The following DOK5 variants were observed in gnomAD, a reference collection of about 807,000 sequenced individuals.
DOK5 encodes docking protein 5.
In DOK5, 27 loss-of-function variants were observed where a neutral mutation model predicts 43.3. The observed-to-expected ratio is 0.62, with a 90% CI of 0.46 to 0.86. The LOEUF is 0.86. DOK5 is among the 40% of genes least tolerant of loss of function. The pLI, the probability that DOK5 is intolerant of heterozygous loss-of-function variation, is 0.00. For synonymous variants in DOK5, 146 were observed against 140.1 expected (o/e 1.04, Z -0.30); for missense variants, 373 against 392.9 (o/e 0.95, Z 0.43).
At chr20:54,565,789 G>A (rs778255394) in intron 2 of DOK5, among the ~76,000 whole-genome samples, 1 of 152,088 alleles carries the variant, frequency 6.6e-6, no homozygotes, top group South Asian at 2.1e-4. Flanking sequence ...TTGGGAGGCC[G>A]AGGCAGGCGG....
intron 2 of DOK5, among the ~76,000 whole-genome samples, chr20:54,581,421 A>G (rs1223735972): frequency 6.6e-6 from 1 of 150,448 alleles, no homozygotes; most frequent in Non-Finnish European, 1.5e-5. Flanking sequence ...GGATTTTGAT[A>G]GAGATTACAT....
chr20:54,608,735 A>G (rs917643529), intron 5 of DOK5, among the ~76,000 whole-genome samples: 1 of 148,190 alleles, frequency 6.7e-6, no homozygotes, highest in Non-Finnish European at 1.5e-5. Flanking sequence ...CAGTCGCATG[A>G]TCTCAGCTCA....
At chr20:54,520,586 C>T (rs972777588) in intron 1 of DOK5, among the ~76,000 whole-genome samples, 1 of 152,018 alleles carries the variant, frequency 6.6e-6, no homozygotes, top group African/African-American at 2.4e-5. Flanking sequence ...TAAGACCACT[C>T]TGGGCAACAC....
chr20:54,599,792 T>C (rs184068413), intron 5 of DOK5, among the ~76,000 whole-genome samples: 1 of 152,356 alleles, frequency 6.6e-6, no homozygotes, highest in Admixed American at 6.5e-5. Context: ...TAAAAAAGAA[T>C]CATTCCTTCC....
intron 2 of DOK5, among the ~76,000 whole-genome samples, chr20:54,559,294 C>T (rs189864572): frequency 3.3e-5 from 5 of 152,294 alleles, no homozygotes; most frequent in Admixed American, 6.5e-5. Flanking sequence ...AGAAGTATGC[C>T]GGTCCTGGAT....
At chr20:54,496,425 G>A (rs1600661952) in intron 1 of DOK5, among the ~76,000 whole-genome samples, 2 of 152,222 alleles carry the variant, frequency 1.3e-5, no homozygotes, top group South Asian at 4.2e-4. Context: ...TAAATTTAAG[G>A]GAGAGCATAT....
At chr20:54,577,008 T>C (rs1486706391) in intron 2 of DOK5, among the ~76,000 whole-genome samples, 1 of 152,264 alleles carries the variant, frequency 6.6e-6, no homozygotes, top group African/African-American at 2.4e-5. Context: ...GCTCATTTAC[T>C]GAGCCTGTCA....
chr20:54,550,145 T>G (rs1984475279), intron 1 of DOK5, among the ~76,000 whole-genome samples: 1 of 147,332 alleles, frequency 6.8e-6, no homozygotes, highest in East Asian at 2.0e-4. Context: ...TTAAAGTTAC[T>G]CACTCTGGTC....
chr20:54,632,324 A>G (rs1334957221), intron 6 of DOK5, among the ~76,000 whole-genome samples: 1 of 152,198 alleles, frequency 6.6e-6, no homozygotes, highest in Non-Finnish European at 1.5e-5. Flanking sequence ...AAAATATTTT[A>G]AGGTTTCTGC....
At chr20:54,561,718 C>T (rs949034225) in intron 2 of DOK5, among the ~76,000 whole-genome samples, 4 of 152,304 alleles carry the variant, frequency 2.6e-5, no homozygotes, top group Non-Finnish European at 2.9e-5. Context: ...TGCAATGGTG[C>T]GATCTCGGCT....
intron 2 of DOK5, among the ~76,000 whole-genome samples, chr20:54,560,418 TC>T (rs901073317): frequency 2.4e-4 from 36 of 152,310 alleles, no homozygotes; most frequent in South Asian, 1.0e-3. Flanking sequence ...CTGATGTTTT[TC>T]CCAGGTGATA....
At chr20:54,629,581 G>A (rs1729851445) in intron 6 of DOK5, among the ~76,000 whole-genome samples, 1 of 152,136 alleles carries the variant, frequency 6.6e-6, no homozygotes, top group Admixed American at 6.5e-5. Context: ...ACACATATAA[G>A]TACCTGTTCT....
chr20:54,577,110 A>C (rs1198413248), intron 2 of DOK5, among the ~76,000 whole-genome samples: 2 of 152,212 alleles, frequency 1.3e-5, no homozygotes, highest in African/African-American at 4.8e-5. Flanking sequence ...AGAAGCTGGA[A>C]GTTCTAGATT....
intron 1 of DOK5, among the ~76,000 whole-genome samples, chr20:54,547,154 G>A (rs1984376608): frequency 1.3e-5 from 2 of 152,130 alleles, no homozygotes; most frequent in Non-Finnish European, 2.9e-5. Flanking sequence ...AAGTTTTATT[G>A]GAAGGTATCC....
intron 5 of DOK5, among the ~76,000 whole-genome samples, chr20:54,600,818 C>T (rs1470078361): frequency 6.6e-6 from 1 of 152,210 alleles, no homozygotes; most frequent in African/African-American, 2.4e-5. Flanking sequence ...GGCAGGCAAA[C>T]ATTACCTTGC....
In DOK5 at chr20:54,542,949, ATGGTAGCTTAGAGTAGAGTAGCATAGAGT is replaced by A. The variant is rs1245695830; in HGVS notation, c.67-11954_67-11926del. On this transcript the variant is annotated intron_variant, in intron 1 of 7. Coordinates refer to ENST00000262593, the MANE Select transcript of DOK5 (RefSeq NM_018431.5). ...CAGGGAGCCCTCTGAAACTCAGAAG[ATGGTAGCTTAGAGTAGAGTAGCATAGAGT>A]TGGTAGCTTAGAGTAGAGTAGCATA... Among the ~76,000 whole-genome samples the A allele has an allele frequency of 8.3e-3, 1,260 of 152,294 alleles. 8 individuals carry two copies. The highest frequency in any genetic ancestry group is 0.029 in the African/African-American group (1,185 of 41,542).
chr20:54,556,986 A>G (rs955486958), intron 2 of DOK5, among the ~76,000 whole-genome samples: 3 of 152,226 alleles, frequency 2.0e-5, no homozygotes, highest in African/African-American at 7.2e-5. Context: ...AATGAGGAAT[A>G]CATTATAGGA....
intron 1 of DOK5, among the ~76,000 whole-genome samples, chr20:54,530,750 ATCTG>A (rs1360508087): frequency 1.3e-5 from 2 of 152,012 alleles, no homozygotes; most frequent in African/African-American, 2.4e-5. Context: ...TCCCCTATTA[ATCTG>A]TCTTTTTTGA....
intron 1 of DOK5, among the ~76,000 whole-genome samples, chr20:54,514,002 G>T (rs1049312422): frequency 6.6e-6 from 1 of 152,166 alleles, no homozygotes. Context: ...ATTCTGAAGG[G>T]ATTCAATAGC....
Sources: gnomAD v4.1 joint callset for allele counts (sites outside exome capture counted in the v4.1 genomes callset) on GRCh38, gnomAD v4.1.1 for gene constraint, MANE v1.5 for transcripts, NCBI Gene and HGNC (gene_info 2026-07-23, HGNC 2026-07-21) for gene names.